USP32: variants seen among roughly 807,000 people sequenced by gnomAD.
USP32 encodes the protein ubiquitin specific peptidase 32.
In USP32, 59 loss-of-function variants were observed where a neutral mutation model predicts 204.8. The ratio of observed to expected loss-of-function variants is 0.29; its 90% CI spans 0.23 to 0.36. The LOEUF (loss-of-function observed/expected upper bound fraction) is 0.36, where lower values mean the gene tolerates loss of function less well. USP32 is among the 10% of genes least tolerant of loss of function. The probability of loss-of-function intolerance (pLI) is 1.00; values close to 1 mark genes in which losing one functional copy is unlikely to be tolerated. For missense variants in USP32, 1,160 were observed against 1,946.4 expected, an observed-to-expected ratio of 0.60 and a Z score of 7.60; for synonymous variants, 517 against 678.4, an observed-to-expected ratio of 0.76 and a Z score of 3.70.
At chr17:60,394,167 G>A (rs2089883109), upstream of USP32, among the ~76,000 whole-genome samples, 1 of 152,124 alleles carries the variant, frequency 6.6e-6, no homozygotes, top group South Asian at 2.1e-4. Flanking sequence ...TAATTTCCAG[G>A]TCATTAGTTC....
At chr17:60,299,956 C>G (rs1013109737) in intron 3 of USP32, among the ~76,000 whole-genome samples, 1 of 152,126 alleles carries the variant, frequency 6.6e-6, no homozygotes, top group Non-Finnish European at 1.5e-5. Flanking sequence ...CTTAATCTCA[C>G]TCATAAGATA....
At chr17:60,399,735 G>C (rs1454501271) in intron 1 of USP32, among the ~76,000 whole-genome samples, 9 of 152,224 alleles carry the variant, frequency 5.9e-5, no homozygotes, top group South Asian at 2.1e-4. Context: ...CAAAAAGGGT[G>C]ATATTTAAGC....
At chr17:60,361,813 A>C (rs2089213007) in intron 1 of USP32, among the ~76,000 whole-genome samples, 1 of 152,198 alleles carries the variant, frequency 6.6e-6, no homozygotes. Context: ...ATTCCCAAGC[A>C]GACCATCTGT....
At chr17:60,388,175 T>G (rs2089764811) in intron 1 of USP32, among the ~76,000 whole-genome samples, 3 of 152,132 alleles carry the variant, frequency 2.0e-5, no homozygotes, top group African/African-American at 7.2e-5. Flanking sequence ...ATCACTCAGC[T>G]ACTAAGAGCA....
chr17:60,328,869 C>T (rs1199757743), intron 2 of USP32, among the ~76,000 whole-genome samples: 1 of 149,354 alleles, frequency 6.7e-6, no homozygotes, highest in African/African-American at 2.6e-5. Flanking sequence ...TGCTCTGTGG[C>T]AGCAGCCAGT....
At chr17:60,379,218 TAAGGG>T (rs2089605651) in intron 1 of USP32, among the ~76,000 whole-genome samples, 1 of 152,140 alleles carries the variant, frequency 6.6e-6, no homozygotes, top group South Asian at 2.1e-4. Flanking sequence ...TACCTTTTAG[TAAGGG>T]TTTTACAGCA....
upstream of USP32, among the ~76,000 whole-genome samples, chr17:60,394,137 G>A (rs2089882753): frequency 6.6e-6 from 1 of 152,194 alleles, no homozygotes; most frequent in African/African-American, 2.4e-5. Context: ...CAGGGGGTTG[G>A]GAATACATTT....
Position 60,214,769 on chromosome 17 carries a change from C to T in USP32, c.1873G>A (p.Val625Ile). Residue 625 changes from valine to isoleucine, a missense_variant, in exon 17 of 34, where the codon GTA becomes ATA. By Grantham distance (29) the Val-to-Ile change is conservative (BLOSUM62 3). Coordinates refer to ENST00000300896, the MANE Select transcript of USP32 (RefSeq NM_032582.4). ...QSNIWVNMGN[V>I]PSPNAPLKRV... ...TTTAAAGGTGCATTCGGAGAAGGTA[C>T]ATTTCCTATGGTTACAGTAATCACA... 1 of 1,613,864 alleles carries T rather than the reference C, an allele frequency of 6.2e-7. No individual in the cohort carries two copies. The highest frequency in any genetic ancestry group is 1.1e-5 in the South Asian group (1 of 91,066).
chr17:60,316,767 G>A (rs1161906337), intron 2 of USP32, among the ~76,000 whole-genome samples: 2 of 152,114 alleles, frequency 1.3e-5, no homozygotes, highest in Non-Finnish European at 2.9e-5. Flanking sequence ...CTTCAGCCTG[G>A]GAGGTGGAGG....
intron 2 of USP32, among the ~76,000 whole-genome samples, chr17:60,340,089 T>C (rs954104640): frequency 2.0e-5 from 3 of 152,160 alleles, no homozygotes; most frequent in African/African-American, 7.2e-5. Flanking sequence ...AAGCTCTCCA[T>C]AGGATTTTTT....
Position 60,359,593 on chromosome 17 carries a change from T to C in USP32, c.59-13985A>G, listed in dbSNP as rs117525554. ...TGGGAGGCTGAGATGAGAGGATCAC[T>C]TGAGCCCAGGAGTTTGAGACCAGCT... On this transcript the variant is annotated intron_variant, in intron 1 of 33. Transcript: ENST00000300896. Among the ~76,000 whole-genome samples, 402 of 152,218 alleles carry C rather than the reference T, an allele frequency of 2.6e-3. 10 individuals carry two copies. The East Asian group carries it at 0.062, about 23-fold the overall frequency.
At chr17:60,339,054 A>C (rs8076965) in intron 2 of USP32, among the ~76,000 whole-genome samples, 32,122 of 151,322 alleles carry the variant, frequency 0.21, 8,464 homozygotes, top group African/African-American at 0.62. Context: ...GGATTACAGG[A>C]GCCCGCCACC....
rs373810890 is a variant in USP32 at position 60,246,413 on chromosome 17, A to AT, written c.1136+5967dup. The stretch of plus-strand genomic sequence containing the variant: ...TATGTGTGTGTGTATATATATATAT[A>AT]TTTTTTTTTTTTCTTTATCCATTCA... On this transcript the variant is annotated intron_variant, in intron 11 of 33. Coordinates refer to ENST00000300896, the MANE Select transcript of USP32 (RefSeq NM_032582.4). 3.7e-3 allele frequency among the ~76,000 whole-genome samples: 535 copies of AT among 142,702 alleles called. 1 individual carries two copies. Among genetic ancestry groups the AT allele is most frequent in the African/African-American group, 5.4e-3 (206 of 38,490 alleles). 93.6% of individuals were successfully genotyped at this position (142,702 alleles called of 152,430 possible). A position where few individuals can be genotyped will look rare whatever the true frequency, so the allele number is the denominator to read the frequency against.
At position 60,376,179 on chromosome 17, in the gene USP32, G is replaced by C. The variant is rs559802006; in HGVS notation, c.58+15703C>G. On this transcript the variant is annotated intron_variant, in intron 1 of 33. Coordinates refer to ENST00000300896, the MANE Select transcript of USP32 (RefSeq NM_032582.4). ...TCCAGTCTAAGCTTCCCAAGGAGCT[G>C]AGATTACAAATGCGAGCCACTGAGC... 2.8e-4 allele frequency among the ~76,000 whole-genome samples: 42 copies of C among 152,116 alleles called. No individual in the cohort carries two copies. The South Asian group carries it at 8.1e-3, about 29-fold the overall frequency.
chr17:60,401,287 G>A (rs534174121), intron 1 of USP32, among the ~76,000 whole-genome samples: 5 of 151,696 alleles, frequency 3.3e-5, no homozygotes, highest in Non-Finnish European at 5.9e-5. Context: ...GGAGAATAGC[G>A]TGAACCAGGG....
intron 31 of USP32, among the ~76,000 whole-genome samples, chr17:60,182,727 C>T (rs1245859665): frequency 1.3e-5 from 2 of 151,896 alleles, no homozygotes; most frequent in African/African-American, 4.8e-5. Context: ...CTGTGTTGCA[C>T]CACTGCACTC....
rs200785728 is a variant in USP32, at chr17:60,236,185, T to C, written c.1192A>G (p.Ile398Val). The C allele has an allele frequency of 1.4e-5, 23 of 1,614,060 alleles. No homozygotes were observed. The East Asian group carries it at 2.9e-4, about 20-fold the overall frequency. The change falls in exon 12 of 34, where the codon ATC becomes GTC. Residue 398 changes from isoleucine to valine, a missense_variant. Around this residue, in one of 8 missense-constraint regions of USP32, gnomAD observed 536 missense variants for 680.9 expected, o/e 0.79. Transcript: ENST00000300896. ...TGTTGCCACCACTGCATGGAGATGA[T>C]AAACCAGTTGTGTCCTGCTTGCAGA... ...YGLQAGHNWF[I>V]ISMQWWQQWK... is the part of the protein sequence containing the mutation.
intron 1 of USP32, among the ~76,000 whole-genome samples, chr17:60,367,022 T>C (rs1351517133): frequency 2.0e-5 from 3 of 151,986 alleles, no homozygotes; most frequent in Non-Finnish European, 4.4e-5. Context: ...AGAGACGGGG[T>C]TTCACCGTGT....
chr17:60,414,155 G>A (rs1312175629), intron 1 of USP32, among the ~76,000 whole-genome samples: 1 of 151,984 alleles, frequency 6.6e-6, no homozygotes, highest in Non-Finnish European at 1.5e-5. Context: ...TTGAGGTCAG[G>A]AGTTCGAGAC....
Sources: allele counts gnomAD v4.1 joint callset (sites outside exome capture counted in the v4.1 genomes callset), GRCh38; gene constraint gnomAD v4.1.1; regional missense constraint gnomAD v4.1.1; transcripts MANE v1.5; gene names NCBI Gene and HGNC (gene_info 2026-07-23, HGNC 2026-07-21).